The following ALDH18A1 variants were observed in gnomAD, a reference collection of about 807,000 sequenced individuals.
The protein encoded by ALDH18A1 is delta-1-pyrroline-5-carboxylate synthase.
In ALDH18A1, 44 loss-of-function variants were observed where a neutral mutation model predicts 88.8. The observed-to-expected ratio is 0.50, with a 90% CI of 0.39 to 0.64. The LOEUF (loss-of-function observed/expected upper bound fraction) is 0.64. ALDH18A1 is among the 30% of genes least tolerant of loss of function. The probability of loss-of-function intolerance (pLI) is 0.00; values close to 1 mark genes in which losing one functional copy is unlikely to be tolerated. For synonymous variants in ALDH18A1, 331 were observed against 372.1 expected (o/e 0.89, Z 1.27); for missense variants, 782 against 1,009.5 (o/e 0.77, Z 3.05).
In ALDH18A1 at chr10:95,613,789, T is replaced by G; in HGVS notation, c.1876A>C (p.Arg626=). The change falls in exon 15 of 18, where the codon AGG becomes CGG. Residue 626 remains arginine (R), a synonymous_variant. Coordinates refer to ENST00000371224, the MANE Select transcript of ALDH18A1 (RefSeq NM_002860.4). ...ATGATCTGGTCAAATAATGGTGTCCTGAGCAGATCCCGGTGGATTAACAAA... is the reference window on the plus strand; with the variant it reads ...ATGATCTGGTCAAATAATGGTGTCCGGAGCAGATCCCGGTGGATTAACAAA... ...ETLLIHRDLL[R]TPLFDQIIDM... is the part of the protein sequence containing the mutation. 1.2e-6 allele frequency: 2 copies of G among 1,614,182 alleles called. No individual in the cohort carries two copies. Among genetic ancestry groups the G allele is most frequent in the South Asian group, 2.2e-5 (2 of 91,080 alleles).
rs2097822513 is a variant in ALDH18A1, at chr10:95,606,287, A to T, written c.*475T>A. The T allele has an allele frequency of 6.0e-6, 6 of 1,001,394 alleles. No homozygotes were observed. In the South Asian group the frequency reaches 2.2e-4, roughly 36 times the overall value. The allele number at this position is 1,001,394 out of a possible 1,614,324, so 62.0% of individuals were successfully genotyped here. On this transcript the variant is annotated 3_prime_UTR_variant, in exon 18 of 18. Transcript: ENST00000371224. ...TCGATTTTTGTGACTTTCTGATGAGAATGCTAAAAAGAAGAGTTGCCCCTT... is the reference window on the plus strand; with the variant it reads ...TCGATTTTTGTGACTTTCTGATGAGTATGCTAAAAAGAAGAGTTGCCCCTT...
chr10:95,607,803 G>C (rs1297609847), intron 17 of ALDH18A1, among the ~76,000 whole-genome samples: 1 of 152,114 alleles, frequency 6.6e-6, no homozygotes, highest in Admixed American at 6.6e-5. Context: ...CCTTTTGGTT[G>C]GGACCTGAAC....
intron 12 of ALDH18A1, among the ~76,000 whole-genome samples, chr10:95,617,897 C>G (rs1166719235): frequency 2.0e-5 from 3 of 152,064 alleles, no homozygotes; most frequent in Non-Finnish European, 2.9e-5. Flanking sequence ...GGCATTTCTG[C>G]AAGACAGGTA....
At chr10:95,651,416 T>C (rs1020251568) in intron 2 of ALDH18A1, among the ~76,000 whole-genome samples, 4 of 149,842 alleles carry the variant, frequency 2.7e-5, no homozygotes, top group African/African-American at 4.9e-5. Context: ...GACAGTTTCT[T>C]ATAAAACTGT....
chr10:95,619,940 G>A (rs2097849637), intron 12 of ALDH18A1, among the ~76,000 whole-genome samples: 1 of 152,150 alleles, frequency 6.6e-6, no homozygotes, highest in Non-Finnish European at 1.5e-5. Flanking sequence ...AGACAAATGG[G>A]ATCTAATTAA....
chr10:95,636,611 T>C (rs970437165), intron 5 of ALDH18A1, among the ~76,000 whole-genome samples: 2 of 152,176 alleles, frequency 1.3e-5, no homozygotes, highest in African/African-American at 4.8e-5. Flanking sequence ...ATTTGCTGAA[T>C]GAGTGAAAAA....
chr10:95,652,524 T>A (rs1377266248), intron 2 of ALDH18A1, among the ~76,000 whole-genome samples: 1 of 151,978 alleles, frequency 6.6e-6, no homozygotes, highest in Non-Finnish European at 1.5e-5. Context: ...TCACCTGAGG[T>A]CAGGAGTTCG....
At chr10:95,634,021 G>C (rs1292219479) in intron 5 of ALDH18A1, among the ~76,000 whole-genome samples, 1 of 151,834 alleles carries the variant, frequency 6.6e-6, no homozygotes, top group Non-Finnish European at 1.5e-5. Flanking sequence ...TGGCCAGGCT[G>C]GTCTCAAACT....
At chr10:95,613,656 C>G in intron 15 of ALDH18A1, 86 bp downstream of exon 15, 1 of 1,532,830 alleles carries the variant, frequency 6.5e-7, no homozygotes, top group Non-Finnish European at 9.0e-7. Context: ...GTTTCTTAAA[C>G]TGCCTTATAT....
intron 15 of ALDH18A1, among the ~76,000 whole-genome samples, chr10:95,613,324 A>G (rs1289671170): frequency 6.6e-6 from 1 of 152,250 alleles, no homozygotes; most frequent in Non-Finnish European, 1.5e-5. Flanking sequence ...AATATTGGTA[A>G]CCAAAGACAC....
chr10:95,625,252 T>A, intron 11 of ALDH18A1, 110 bp downstream of exon 11: 2 of 954,894 alleles, frequency 2.1e-6, no homozygotes, highest in Non-Finnish European at 3.4e-6. Context: ...GTACAATTTC[T>A]TTTATAAAAA....
intron 10 of ALDH18A1, among the ~76,000 whole-genome samples, chr10:95,625,894 A>G (rs1199780462): frequency 1.3e-5 from 2 of 152,048 alleles, no homozygotes; most frequent in Non-Finnish European, 1.5e-5. Context: ...TAATATCATT[A>G]GTTAGTTTAT....
intron 9 of ALDH18A1, among the ~76,000 whole-genome samples, chr10:95,627,192 T>C (rs543689058): frequency 1.3e-5 from 2 of 148,810 alleles, no homozygotes; most frequent in African/African-American, 2.6e-5. Context: ...GCATCTAACA[T>C]AGGCCTAGCA....
At chr10:95,612,381 A>G (rs1025024765) in intron 15 of ALDH18A1, among the ~76,000 whole-genome samples, 1 of 152,224 alleles carries the variant, frequency 6.6e-6, no homozygotes, top group East Asian at 1.9e-4. Context: ...GCTGGATCCC[A>G]CTTAAACCTT....
At chr10:95,633,777 A>G (rs1339610643) in intron 5 of ALDH18A1, 128 bp from the exon 6 acceptor site, 1 of 728,334 alleles carries the variant, frequency 1.4e-6, no homozygotes, top group African/African-American at 1.8e-5. Flanking sequence ...TTAGAAGATT[A>G]GAATGAAATA....
At chr10:95,614,830 T>G (rs1042483460) in intron 13 of ALDH18A1, among the ~76,000 whole-genome samples, 1 of 152,204 alleles carries the variant, frequency 6.6e-6, no homozygotes, top group African/African-American at 2.4e-5. Context: ...TTATTCCACA[T>G]AGCCCAAAAC....
chr10:95,611,431 A>G lies in ALDH18A1; in HGVS notation c.1935T>C (p.His645=), dbSNP rs776999689. Reference sequence around the variant, plus strand: ...GATAGGAGGCAAATTTGGGGCCTGCATGAATTTTTACCTGGAACAGAGGAA... The same window carrying G: ...GATAGGAGGCAAATTTGGGGCCTGCGTGAATTTTTACCTGGAACAGAGGAA... ...DMLRVEQVKI[H]AGPKFASYLT... is the part of the protein sequence containing the mutation. The change falls in exon 16 of 18, where the codon CAT becomes CAC. Residue 645 remains histidine (H), a synonymous_variant. Transcript: ENST00000371224. 7 of 1,614,086 alleles carry G rather than the reference A, an allele frequency of 4.3e-6. No homozygotes were observed. In the South Asian group the frequency reaches 5.5e-5, roughly 13 times the overall value.
Position 95,626,728 on chromosome 10 carries a change from A to T in ALDH18A1, c.1127T>A (p.Met376Lys). Reference sequence around the variant, plus strand: ...CTGCTCAGGTTCCAAGGTGGCCAACATCCTTCCTCCAGATCGCGCCATTTC... The same window carrying T: ...CTGCTCAGGTTCCAAGGTGGCCAACTTCCTTCCTCCAGATCGCGCCATTTC... ...QGEMARSGGR[M>K]LATLEPEQRA... Residue 376 changes from methionine to lysine, a missense_variant, in exon 10 of 18, where the codon ATG (methionine) becomes AAG (lysine). By Grantham distance (95) the Met-to-Lys change is moderately conservative (BLOSUM62 -1). Around this residue, in one of 3 missense-constraint regions of ALDH18A1, gnomAD observed 556 missense variants for 654.5 expected, o/e 0.85. Transcript: ENST00000371224. 6.2e-7 allele frequency: 1 copy of T among 1,613,982 alleles called. No homozygotes were observed. Among genetic ancestry groups the T allele is most frequent in the Non-Finnish European group, 8.5e-7 (1 of 1,179,912 alleles).
chr10:95,606,535 T>C lies in ALDH18A1; in HGVS notation c.*227A>G, dbSNP rs943341. On this transcript the variant is annotated 3_prime_UTR_variant, in exon 18 of 18. Coordinates refer to ENST00000371224, the MANE Select transcript of ALDH18A1 (RefSeq NM_002860.4). ...ATAATTGGACTTGGCAAAGTCCCTA[T>C]CGGTAGCAACTATTTTCTTACTTTA... is the stretch of plus-strand genomic sequence containing the variant. 1.4e-3 allele frequency: 1,986 copies of C among 1,398,594 alleles called. 39 individuals carry two copies. The East Asian group carries it at 0.046, about 32-fold the overall frequency. The allele number at this position is 1,398,594 out of a possible 1,614,324, so 86.6% of individuals were successfully genotyped here.
Sources: allele counts gnomAD v4.1 joint callset (sites outside exome capture counted in the v4.1 genomes callset), GRCh38; gene constraint gnomAD v4.1.1; regional missense constraint gnomAD v4.1.1; transcripts MANE v1.5; gene names NCBI Gene and HGNC (gene_info 2026-07-23, HGNC 2026-07-21).